The following USP30 variants were observed in gnomAD, a reference collection of about 807,000 sequenced individuals.
USP30 encodes ubiquitin specific peptidase 30, also known as ubiquitin carboxyl-terminal hydrolase 30.
USP30 carries 41 observed loss-of-function variants against 68.2 expected under a neutral mutation model. The ratio of observed to expected loss-of-function variants is 0.60; its 90% confidence interval spans 0.47 to 0.78. The LOEUF is 0.78. Ranked by LOEUF, USP30 falls within the 30% of genes least tolerant of loss-of-function variation. The pLI, the probability that USP30 is intolerant of heterozygous loss-of-function variation, is 0.00. For synonymous variants in USP30, 229 were observed against 253.7 expected (o/e 0.90, Z 0.93); for missense variants, 522 against 649.4 (o/e 0.80, Z 2.13).
rs753361557 is a variant in USP30, at chr12:109,085,717, A to G, written c.1340A>G (p.Asp447Gly). 6.2e-7 allele frequency: 1 copy of G among 1,614,164 alleles called. No homozygotes were observed. The highest frequency in any genetic ancestry group is 1.1e-5 in the South Asian group (1 of 91,078). ...RLMAVVVHHG[D>G]MHSGHFVTYR... ...ATGGCAGTTGTCGTCCACCATGGAG[A>G]CATGCACTCTGGACACTTTGTCACT... The change falls in exon 13 of 13, where the codon GAC (aspartate) becomes GGC (glycine). Residue 447 changes from aspartate to glycine, a missense_variant. By Grantham distance (94) the Asp-to-Gly change is moderately conservative. Coordinates refer to ENST00000257548, the MANE Select transcript of USP30 (RefSeq NM_032663.5).
At chr12:109,055,982 A>G (rs1276147701) in intron 1 of USP30, among the ~76,000 whole-genome samples, 1 of 152,106 alleles carries the variant, frequency 6.6e-6, no homozygotes, top group Non-Finnish European at 1.5e-5. Flanking sequence ...AGGGAGGTAA[A>G]GGAGTGAGCC....
At chr12:109,079,339 CTTTTTTTTTTTCTTTTT>C (rs2041717464) in intron 7 of USP30, among the ~76,000 whole-genome samples, 1 of 62,250 alleles carries the variant, frequency 1.6e-5, no homozygotes, top group African/African-American at 6.9e-5. Context: ...TTTTCTTTTT[CTTTTTTTTTTTCTTTTT>C]TTTTTTTTTT....
At chr12:109,080,822 G>T (rs1320222624) in intron 7 of USP30, among the ~76,000 whole-genome samples, 1 of 152,196 alleles carries the variant, frequency 6.6e-6, no homozygotes. Context: ...ACAGCATTCA[G>T]TACGGTAACA....
chr12:109,079,882 T>C (rs2041743603), intron 7 of USP30, among the ~76,000 whole-genome samples: 1 of 152,230 alleles, frequency 6.6e-6, no homozygotes, highest in South Asian at 2.1e-4. Context: ...TGCTGACTTC[T>C]TTGTATTTTA....
chr12:109,057,459 T>C (rs1011481463), intron 2 of USP30, among the ~76,000 whole-genome samples: 3 of 152,210 alleles, frequency 2.0e-5, no homozygotes, highest in Non-Finnish European at 4.4e-5. Context: ...CTGATCAGAA[T>C]TGGTATAGTG....
Position 109,073,428 on chromosome 12 carries a change from T to C in USP30, c.626-10T>C. The stretch of plus-strand genomic sequence containing the variant: ...AAAAGTGACATATCAAAAAACTTTT[T>C]GCATTCCAGGGTCACCTCACCCTAC... On this transcript the variant is annotated splice_polypyrimidine_tract_variant and intron_variant, in intron 6 of 12. Transcript: ENST00000257548. 1.2e-6 allele frequency: 2 copies of C among 1,610,418 alleles called. No homozygotes were observed. The highest frequency in any genetic ancestry group is 1.7e-6 in the Non-Finnish European group (2 of 1,176,708).
intron 7 of USP30, among the ~76,000 whole-genome samples, chr12:109,077,834 AG>A (rs1196443416): frequency 7.0e-6 from 1 of 143,246 alleles, no homozygotes. Flanking sequence ...TTGGGGGGGG[AG>A]GGTGTGTGTG....
chr12:109,048,416 C>T (rs2040624997), upstream of USP30, among the ~76,000 whole-genome samples: 1 of 148,820 alleles, frequency 6.7e-6, no homozygotes, highest in Admixed American at 6.7e-5. Flanking sequence ...TTAAATATTT[C>T]TGTTTCCATC....
Position 109,052,771 on chromosome 12 carries a change from T to TG in USP30, c.83+16dup. The stretch of plus-strand genomic sequence containing the variant: ...CCGGGGCGGCCGTCAGGTGAGATTT[T>TG]GGGGGGCGGGGCTGCCGAAGAGGCC... On this transcript the variant is annotated intron_variant, in intron 1 of 12. Transcript: ENST00000257548. 1 of 1,443,686 alleles carries TG rather than the reference T, an allele frequency of 6.9e-7. No individual in the cohort carries two copies. Among genetic ancestry groups the TG allele is most frequent in the Non-Finnish European group, 9.1e-7 (1 of 1,098,130 alleles). The allele number at this position is 1,443,686 out of a possible 1,614,324, so 89.4% of individuals were successfully genotyped here. A position where few individuals can be genotyped will look rare whatever the true frequency, so the allele number is the denominator to read the frequency against.
intron 5 of USP30, 101 bp from the exon 6 acceptor site, chr12:109,072,204 G>A: frequency 9.9e-7 from 1 of 1,009,334 alleles, no homozygotes; most frequent in South Asian, 1.4e-5. Context: ...TTTTAGTGGT[G>A]TAATCAACGT....
intron 3 of USP30, among the ~76,000 whole-genome samples, chr12:109,063,951 C>T (rs185219474): frequency 6.7e-5 from 10 of 149,462 alleles, no homozygotes; most frequent in East Asian, 2.0e-4. Flanking sequence ...CAGCTCACTG[C>T]GACCTCCGCC....
intron 3 of USP30, among the ~76,000 whole-genome samples, chr12:109,063,544 G>A (rs906692670): frequency 3.9e-5 from 6 of 152,174 alleles, no homozygotes; most frequent in Admixed American, 6.5e-5. Context: ...CCTGCTTTCA[G>A]TTATTTTCTG....
intron 7 of USP30, among the ~76,000 whole-genome samples, chr12:109,074,733 G>A (rs530593303): frequency 6.6e-6 from 1 of 152,342 alleles, no homozygotes; most frequent in African/African-American, 2.4e-5. Context: ...ACGTGCACCT[G>A]TGCTCATATG....
At chr12:109,048,739 C>CAA (rs60197959), upstream of USP30, among the ~76,000 whole-genome samples, 928 of 86,926 alleles carry the variant, frequency 0.011, 16 homozygotes, top group African/African-American at 0.035. Flanking sequence ...GACTCTGTCT[C>CAA]AAAAAAAAAA....
rs78021343 is a variant in USP30 at position 109,069,197 on chromosome 12, G to T, written c.480+1570G>T. Reference sequence around the variant, plus strand: ...CAAGCTCCCCCTCCTCTGCAGTGCTGTCCCTTTCCTTAAGGCCTAGTTGTT... The same window carrying T: ...CAAGCTCCCCCTCCTCTGCAGTGCTTTCCCTTTCCTTAAGGCCTAGTTGTT... On this transcript the variant is annotated intron_variant, in intron 4 of 12. Coordinates refer to ENST00000257548, the MANE Select transcript of USP30 (RefSeq NM_032663.5). Among the ~76,000 whole-genome samples, 100 of 152,332 alleles carry T rather than the reference G, an allele frequency of 6.6e-4. 1 individual carries two copies. In the East Asian group the frequency reaches 0.017, roughly 25 times the overall value.
intron 2 of USP30, among the ~76,000 whole-genome samples, chr12:109,026,467 ATT>A (rs58578726): frequency 0.029 from 4,298 of 145,752 alleles, 209 homozygotes; most frequent in African/African-American, 0.1. Flanking sequence ...ACACAACAGA[ATT>A]TTTTTTTTTT....
chr12:109,025,922 A>C (rs1305017345), intron 2 of USP30, among the ~76,000 whole-genome samples: 2 of 152,138 alleles, frequency 1.3e-5, no homozygotes, highest in Admixed American at 6.5e-5. Context: ...TCCTGGGCTC[A>C]AGGGATCCTC....
chr12:109,044,214 C>T (rs542689867), intron 3 of USP30, among the ~76,000 whole-genome samples: 13 of 152,088 alleles, frequency 8.5e-5, no homozygotes, highest in South Asian at 2.1e-4. Flanking sequence ...AACTGAGGAG[C>T]GTGTAGAATG....
At chr12:109,038,642 G>A (rs1302616631) in intron 3 of USP30, among the ~76,000 whole-genome samples, 1 of 152,140 alleles carries the variant, frequency 6.6e-6, no homozygotes, top group African/African-American at 2.4e-5. Flanking sequence ...CCTAGAAGAG[G>A]AATGGTTGGA....
Sources: gnomAD v4.1 joint callset for allele counts (sites outside exome capture counted in the v4.1 genomes callset) on GRCh38, gnomAD v4.1.1 for gene constraint, MANE v1.5 for transcripts, NCBI Gene and HGNC (gene_info 2026-07-23, HGNC 2026-07-21) for gene names.